SRRM1: variants seen among roughly 807,000 people sequenced by gnomAD.
The protein encoded by SRRM1 is serine/arginine repetitive matrix protein 1.
Under a neutral mutation model 110.2 loss-of-function variants are expected in SRRM1, and 19 were observed. That is an observed-to-expected ratio of 0.17 (90% CI 0.12 to 0.25). The LOEUF (loss-of-function observed/expected upper bound fraction) is 0.25. SRRM1 is among the 10% of genes least tolerant of loss of function. SRRM1 has a pLI of 1.00. For missense variants in SRRM1, 918 were observed against 1,145.8 expected, an observed-to-expected ratio of 0.80 and a Z score of 2.87; for synonymous variants, 443 against 414.9, an observed-to-expected ratio of 1.07 and a Z score of -0.82.
intron 9 of SRRM1, among the ~76,000 whole-genome samples, chr1:24,656,021 C>T (rs1227955859): frequency 6.6e-6 from 1 of 152,160 alleles, no homozygotes; most frequent in Non-Finnish European, 1.5e-5. Context: ...AGGAAGATCA[C>T]TTGATCCCAG....
At chr1:24,672,102 C>A in intron 16 of SRRM1, 80 bp from the exon 17 acceptor site, 1 of 1,091,224 alleles carries the variant, frequency 9.2e-7, no homozygotes, top group Non-Finnish European at 1.4e-6. Flanking sequence ...TGTTCCCCTC[C>A]CACACTTTGA....
intron 4 of SRRM1, among the ~76,000 whole-genome samples, chr1:24,649,680 TTTTTA>T (rs1233314844): frequency 2.6e-5 from 4 of 152,292 alleles, no homozygotes; most frequent in African/African-American, 7.2e-5. Context: ...GTGATTTTCT[TTTTTA>T]TTTTATTTTT....
intron 12 of SRRM1, among the ~76,000 whole-genome samples, chr1:24,663,987 CTTTTTTTTT>C (rs973518559): frequency 1.8e-4 from 21 of 119,754 alleles, no homozygotes; most frequent in Non-Finnish European, 2.9e-4. Flanking sequence ...GCATAGCTCT[CTTTTTTTTT>C]TTTTTTTTTT....
intron 12 of SRRM1, chr1:24,666,528 G>A (rs751891498): frequency 3.6e-5 from 11 of 307,040 alleles, no homozygotes; most frequent in Non-Finnish European, 6.8e-5. Context: ...TTGGGAGGCT[G>A]AGGCAGGCAG....
chr1:24,657,650 T>TA (rs1664915571), intron 9 of SRRM1, among the ~76,000 whole-genome samples: 1 of 152,200 alleles, frequency 6.6e-6, no homozygotes, highest in Non-Finnish European at 1.5e-5. Flanking sequence ...TTGGGGAACT[T>TA]ACAGGTTAAT....
At chr1:24,669,643 G>T in intron 14 of SRRM1, 56 bp downstream of exon 14, 1 of 1,329,642 alleles carries the variant, frequency 7.5e-7, no homozygotes, top group Admixed American at 2.5e-5. Context: ...TTTATATTTG[G>T]AAGCTTCCCC....
At chr1:24,663,634 T>C (rs1324561632) in intron 12 of SRRM1, among the ~76,000 whole-genome samples, 2 of 152,022 alleles carry the variant, frequency 1.3e-5, no homozygotes, top group African/African-American at 4.8e-5. Context: ...GGAGAAACTT[T>C]AGAAATATTA....
intron 6 of SRRM1, 129 bp from the exon 7 acceptor site, chr1:24,652,305 T>C: frequency 1.6e-6 from 1 of 633,782 alleles, no homozygotes; most frequent in Non-Finnish European, 2.6e-6. Context: ...CTTATGTGTC[T>C]TTTGGAGATA....
intron 11 of SRRM1, 100 bp downstream of exon 11, chr1:24,661,496 T>A: frequency 1.3e-6 from 1 of 792,538 alleles, no homozygotes; most frequent in Non-Finnish European, 1.9e-6. Flanking sequence ...CTTACTTGCC[T>A]ACATAGAAAT....
At chr1:24,646,980 C>A in intron 3 of SRRM1, 191 bp downstream of exon 3, 1 of 434,224 alleles carries the variant, frequency 2.3e-6, no homozygotes, top group Non-Finnish European at 4.0e-6. Flanking sequence ...GAAAGCTACA[C>A]AGGTGAAAAA....
intron 12 of SRRM1, among the ~76,000 whole-genome samples, chr1:24,665,613 T>G (rs1037445392): frequency 1.3e-5 from 2 of 151,968 alleles, no homozygotes; most frequent in Non-Finnish European, 2.9e-5. Context: ...CTTGGGAGGC[T>G]GAGGCAGGAG....
At chr1:24,657,872 A>G (rs914853280) in intron 9 of SRRM1, among the ~76,000 whole-genome samples, 3 of 152,204 alleles carry the variant, frequency 2.0e-5, no homozygotes, top group African/African-American at 7.2e-5. Flanking sequence ...ACATTGTGCT[A>G]TCTGGACACT....
chr1:24,662,789 A>G lies in SRRM1; in HGVS notation c.1613A>G (p.Lys538Arg), dbSNP rs1235938987. The G allele has an allele frequency of 1.9e-6, 3 of 1,614,052 alleles. No individual in the cohort carries two copies. The highest frequency in any genetic ancestry group is 2.7e-5 in the African/African-American group (2 of 74,918). The change falls in exon 12 of 17, where the codon AAA becomes AGA. Residue 538 changes from lysine (K) to arginine (R), a missense_variant. Around this residue, in one of 5 missense-constraint regions of SRRM1, gnomAD observed 357 missense variants for 402.9 expected, o/e 0.89. Transcript: ENST00000323848. The part of the protein sequence containing the change: ...SASPSPRKRQ[K>R]ETSPRGRRRR... ...TCTCCATCACCACGAAAGCGCCAAAAAGAGACTTCCCCTCGGTAACATCTT... is the reference window on the plus strand; with the variant it reads ...TCTCCATCACCACGAAAGCGCCAAAGAGAGACTTCCCCTCGGTAACATCTT...
chr1:24,654,983 C>G lies in SRRM1; in HGVS notation c.1169C>G (p.Pro390Arg). The G allele has an allele frequency of 1.2e-6, 2 of 1,614,186 alleles. No homozygotes were observed. Among genetic ancestry groups the G allele is most frequent in the Non-Finnish European group, 1.7e-6 (2 of 1,180,024 alleles). The change falls in exon 9 of 17, where the codon CCT (proline) becomes CGT (arginine). Residue 390 changes from proline (P) to arginine (R), a missense_variant. Coordinates refer to ENST00000323848, the MANE Select transcript of SRRM1 (RefSeq NM_005839.4). ...SPPRKTRRLS[P>R]SASPPRRRHR... Reference sequence around the variant, plus strand: ...CCTCGGAAAACTCGTAGGTTATCTCCTTCAGCAAGTCCTCCAAGGCGAAGG... The same window carrying G: ...CCTCGGAAAACTCGTAGGTTATCTCGTTCAGCAAGTCCTCCAAGGCGAAGG...
chr1:24,668,037 T>C (rs189072095), intron 13 of SRRM1, among the ~76,000 whole-genome samples: 64 of 138,980 alleles, frequency 4.6e-4, no homozygotes, highest in African/African-American at 1.7e-3. Flanking sequence ...CAGTGGCCGA[T>C]CTCAGCTCAC....
chr1:24,670,710 C>G (rs150287096), intron 15 of SRRM1, among the ~76,000 whole-genome samples: 5 of 152,314 alleles, frequency 3.3e-5, no homozygotes, highest in Admixed American at 3.3e-4. Flanking sequence ...GTTGACCAGG[C>G]TGATCTTGAA....
At chr1:24,652,686 G>A in intron 7 of SRRM1, 58 bp downstream of exon 7, 1 of 1,443,224 alleles carries the variant, frequency 6.9e-7, no homozygotes. Context: ...ACTCTACTGG[G>A]TACAATTAGA....
At position 24,654,910 on chromosome 1, in the gene SRRM1, C is replaced by T. The variant is rs774225218; in HGVS notation, c.1096C>T (p.Arg366Cys). The T allele has an allele frequency of 1.1e-5, 18 of 1,614,098 alleles. No individual in the cohort carries two copies. Among genetic ancestry groups the T allele is most frequent in the Middle Eastern group, 1.6e-4 (1 of 6,084 alleles). The change falls in exon 9 of 17, where the codon CGT (arginine) becomes TGT (cysteine). Residue 366 changes from arginine to cysteine, a missense_variant. By Grantham distance (180) the Arg-to-Cys change is radical. Around this residue, in one of 5 missense-constraint regions of SRRM1, gnomAD observed 456 missense variants for 453.5 expected, o/e 1.01. Transcript: ENST00000323848. ...GAGTAGCTCATCATCCTCTTCATCT[C>T]GTTCACGGTCACCACCAAAGAAGCC... The part of the protein sequence containing the change: ...SGSSSSSSSS[R>C]SRSPPKKPPK...
rs535695207 is a variant in SRRM1, at chr1:24,656,485, G to C, written c.1315+1356G>C. On this transcript the variant is annotated intron_variant, in intron 9 of 16. Transcript: ENST00000323848. The stretch of plus-strand genomic sequence containing the variant: ...CAGGTTCAGTCCTCAGTTTGAGAGA[G>C]GGGCTTCGGGATCACTGTTTTCATA... 5.9e-5 allele frequency among the ~76,000 whole-genome samples: 9 copies of C among 152,322 alleles called. No individual in the cohort carries two copies. The South Asian group carries it at 1.9e-3, about 32-fold the overall frequency.
Sources: allele counts gnomAD v4.1 joint callset (sites outside exome capture counted in the v4.1 genomes callset), GRCh38; gene constraint gnomAD v4.1.1; regional missense constraint gnomAD v4.1.1; transcripts MANE v1.5; gene names NCBI Gene and HGNC (gene_info 2026-07-23, HGNC 2026-07-21).